The following FER variants were observed in gnomAD, a reference collection of about 807,000 sequenced individuals.
FER encodes tyrosine-protein kinase Fer.
A neutral mutation model predicts 111.0 loss-of-function variants in FER; 63 were observed. The observed-to-expected ratio is 0.57, with a 90% CI of 0.46 to 0.70. The LOEUF (loss-of-function observed/expected upper bound fraction) is 0.70. Among genes scored for constraint, FER ranks in the 30% least tolerant of loss-of-function variants. FER has a pLI of 0.00. For synonymous variants in FER, 327 were observed against 313.9 expected (o/e 1.04, Z -0.44); for missense variants, 914 against 954.0 (o/e 0.96, Z 0.55).
chr5:109,173,766 C>A (rs540319306), intron 17 of FER, among the ~76,000 whole-genome samples: 3 of 142,204 alleles, frequency 2.1e-5, no homozygotes, highest in Admixed American at 1.4e-4. Context: ...TCCCCCCCCC[C>A]CACAAGTAAC....
intron 10 of FER, chr5:108,924,545 A>G (rs1409912133): frequency 8.6e-7 from 1 of 1,167,084 alleles, no homozygotes; most frequent in Non-Finnish European, 1.1e-6. Flanking sequence ...ATAGTATGAA[A>G]TAGGAGATCC....
At chr5:109,088,861 A>T (rs1016884080) in intron 16 of FER, among the ~76,000 whole-genome samples, 2 of 152,114 alleles carry the variant, frequency 1.3e-5, no homozygotes, top group Admixed American at 6.6e-5. Context: ...AGACCTCCTT[A>T]AAAAAAGAAC....
intron 17 of FER, chr5:109,177,454 T>G (rs1341889334): frequency 6.6e-6 from 1 of 152,128 alleles, no homozygotes; most frequent in Non-Finnish European, 1.5e-5. Context: ...TCTAACTTTT[T>G]TTACATAACA....
chr5:108,779,420 T>C (rs1018449278), intron 2 of FER, among the ~76,000 whole-genome samples: 1 of 152,214 alleles, frequency 6.6e-6, no homozygotes, highest in African/African-American at 2.4e-5. Context: ...TTCTTGTCCA[T>C]GAACATGGAA....
At position 109,009,890 on chromosome 5, in the gene FER, G is replaced by T. The variant is rs142194220; in HGVS notation, c.1657-27532G>T. Among the ~76,000 whole-genome samples, 212 of 152,290 alleles carry T rather than the reference G, an allele frequency of 1.4e-3. 1 individual carries two copies. The highest frequency in any genetic ancestry group is 6.8e-3 in the Middle Eastern group (2 of 292). ...TGTCATGATCTGTTAAACACGGGTAGTGTTTTAAGACAGTGAAGATGGAAA... is the reference window on the plus strand; with the variant it reads ...TGTCATGATCTGTTAAACACGGGTATTGTTTTAAGACAGTGAAGATGGAAA... On this transcript the variant is annotated intron_variant, in intron 13 of 19. Transcript: ENST00000281092.
chr5:109,187,593 A>ACTC lies in FER; in HGVS notation c.*19_*21dup. 6.2e-7 allele frequency: 1 copy of ACTC among 1,613,868 alleles called. No individual in the cohort carries two copies. Among genetic ancestry groups the ACTC allele is most frequent in the Non-Finnish European group, 8.5e-7 (1 of 1,179,942 alleles). ...TCACATAGTGACAGGATGGCGCCAAACTCAGCCTTCAGGACTCTGTCCTCC... is the reference window on the plus strand; with the variant it reads ...TCACATAGTGACAGGATGGCGCCAAACTCCTCAGCCTTCAGGACTCTGTCCTCC... On this transcript the variant is annotated 3_prime_UTR_variant, in exon 20 of 20. Transcript: ENST00000281092.
intron 4 of FER, among the ~76,000 whole-genome samples, chr5:108,833,784 G>C (rs1009896248): frequency 6.6e-6 from 1 of 151,444 alleles, no homozygotes; most frequent in Non-Finnish European, 1.5e-5. Flanking sequence ...TGAGGCAGGA[G>C]AATGGCGTGA....
rs1288610019 is a variant in FER, at chr5:109,193,229, TG to T, written c.*5655del. 7.9e-5 allele frequency: 12 copies of T among 152,154 alleles called. No homozygotes were observed. Among genetic ancestry groups the T allele is most frequent in the African/African-American group, 2.9e-4 (12 of 41,436 alleles). The allele number at this position is 152,154 out of a possible 1,614,324, so 9.4% of individuals were successfully genotyped here. On this transcript the variant is annotated 3_prime_UTR_variant, in exon 20 of 20. Coordinates refer to ENST00000281092, the MANE Select transcript of FER (RefSeq NM_005246.4). Reference sequence around the variant, plus strand: ...GAATTACCCTTGCTCTGTTTATCTGTGAGGCCTCAGACACAACGGTGGTTCA... The same window carrying T: ...GAATTACCCTTGCTCTGTTTATCTGTAGGCCTCAGACACAACGGTGGTTCA...
chr5:108,805,490 G>A (rs1757109143), intron 3 of FER, among the ~76,000 whole-genome samples: 1 of 152,162 alleles, frequency 6.6e-6, no homozygotes, highest in African/African-American at 2.4e-5. Context: ...GCAGAGGTTG[G>A]AACAGTTTGG....
intron 1 of FER, among the ~76,000 whole-genome samples, chr5:108,749,881 T>C (rs1750263677): frequency 6.6e-6 from 1 of 152,164 alleles, no homozygotes; most frequent in African/African-American, 2.4e-5. Context: ...CTTAAACAAA[T>C]TGAGGATTGT....
intron 17 of FER, among the ~76,000 whole-genome samples, chr5:109,158,016 T>G (rs1755590273): frequency 6.6e-6 from 1 of 152,060 alleles, no homozygotes; most frequent in Non-Finnish European, 1.5e-5. Context: ...ATGCATAGGA[T>G]TTAGCTAGAT....
At chr5:109,019,020 T>A (rs947953728) in intron 13 of FER, among the ~76,000 whole-genome samples, 2 of 151,456 alleles carry the variant, frequency 1.3e-5, no homozygotes, top group Non-Finnish European at 3.0e-5. Flanking sequence ...TCTAACACCA[T>A]AATATCCTAA....
chr5:108,861,679 G>C (rs1763536041), intron 5 of FER, among the ~76,000 whole-genome samples: 1 of 152,112 alleles, frequency 6.6e-6, no homozygotes, highest in South Asian at 2.1e-4. Context: ...AAGAGCATAT[G>C]CATTTATTTA....
At chr5:108,932,798 G>A (rs1170639351) in intron 10 of FER, among the ~76,000 whole-genome samples, 1 of 148,536 alleles carries the variant, frequency 6.7e-6, no homozygotes, top group Non-Finnish European at 1.5e-5. Flanking sequence ...TTTTTTGTAT[G>A]TTTGTTGGCT....
chr5:108,799,907 A>G (rs1257664067), intron 3 of FER, among the ~76,000 whole-genome samples: 1 of 150,374 alleles, frequency 6.7e-6, no homozygotes, highest in African/African-American at 2.5e-5. Flanking sequence ...CGGTGGTGCA[A>G]TCTTGGCTCA....
chr5:109,172,809 A>G (rs1367561132), intron 17 of FER, among the ~76,000 whole-genome samples: 2 of 152,150 alleles, frequency 1.3e-5, no homozygotes, highest in Admixed American at 6.6e-5. Flanking sequence ...GAGATTTGGT[A>G]TTTCATTTCA....
At chr5:108,871,234 G>T in intron 6 of FER, 131 bp from the exon 7 acceptor site, 1 of 602,136 alleles carries the variant, frequency 1.7e-6, no homozygotes, top group South Asian at 2.7e-5. Context: ...ATGAAATAAG[G>T]TGGTACAGGA....
chr5:108,833,622 C>T (rs1295433148), intron 4 of FER, among the ~76,000 whole-genome samples: 1 of 152,046 alleles, frequency 6.6e-6, no homozygotes, highest in Admixed American at 6.6e-5. Context: ...CACCTGTAAT[C>T]CCAGCACTTT....
intron 16 of FER, among the ~76,000 whole-genome samples, chr5:109,077,522 G>C (rs1013318403): frequency 2.6e-5 from 4 of 152,018 alleles, no homozygotes; most frequent in African/African-American, 4.8e-5. Context: ...TTTTAAAATT[G>C]ATTCTTCCCA....
Sources: gnomAD v4.1 joint callset for allele counts (sites outside exome capture counted in the v4.1 genomes callset) on GRCh38, gnomAD v4.1.1 for gene constraint, MANE v1.5 for transcripts, NCBI Gene and HGNC (gene_info 2026-07-23, HGNC 2026-07-21) for gene names.